Variants in BCAR3 observed in about 807,000 individuals in gnomAD.
BCAR3 encodes breast cancer anti-estrogen resistance protein 3.
BCAR3 carries 37 observed loss-of-function variants against 80.1 expected under a neutral mutation model. The observed-to-expected ratio is 0.46, with a 90% CI of 0.36 to 0.61. The LOEUF is 0.61. Among genes scored for constraint, BCAR3 ranks in the 20% least tolerant of loss-of-function variants. The pLI, the probability that BCAR3 is intolerant of heterozygous loss-of-function variation, is 0.00. For missense variants in BCAR3, 978 were observed against 1,068.2 expected, an observed-to-expected ratio of 0.92 and a Z score of 1.18; for synonymous variants, 389 against 418.9, an observed-to-expected ratio of 0.93 and a Z score of 0.87.
At chr1:93,829,375 T>A (rs1272455450) in intron 2 of BCAR3, among the ~76,000 whole-genome samples, 2 of 152,078 alleles carry the variant, frequency 1.3e-5, no homozygotes, top group African/African-American at 4.8e-5. Flanking sequence ...AGAGACCTGG[T>A]GACAAGGAAA....
intron 2 of BCAR3, among the ~76,000 whole-genome samples, chr1:93,741,393 A>G (rs1338361837): frequency 2.0e-5 from 3 of 152,120 alleles, no homozygotes; most frequent in African/African-American, 7.2e-5. Flanking sequence ...GTTAACTCTG[A>G]CCATGGGGAA....
intron 2 of BCAR3, among the ~76,000 whole-genome samples, chr1:93,654,076 T>A (rs1647249323): frequency 6.6e-6 from 1 of 152,126 alleles, no homozygotes; most frequent in South Asian, 2.1e-4. Flanking sequence ...ATGAGCCTGG[T>A]TGGCCTGACC....
intron 1 of BCAR3, among the ~76,000 whole-genome samples, chr1:93,678,205 C>T (rs1024449321): frequency 1.6e-4 from 24 of 152,126 alleles, no homozygotes; most frequent in African/African-American, 5.8e-4. Context: ...AATGTGAAGC[C>T]AGGATTGAGA....
At chr1:93,818,109 T>G (rs1328119486) in intron 2 of BCAR3, among the ~76,000 whole-genome samples, 1 of 152,238 alleles carries the variant, frequency 6.6e-6, no homozygotes, top group African/African-American at 2.4e-5. Flanking sequence ...TATGTTATTT[T>G]TCATGTGCTA....
At chr1:93,668,293 T>G (rs1308396250) in intron 2 of BCAR3, among the ~76,000 whole-genome samples, 2 of 152,148 alleles carry the variant, frequency 1.3e-5, no homozygotes, top group Non-Finnish European at 2.9e-5. Flanking sequence ...ATCCTGGCAT[T>G]TAGGTTCAAA....
At chr1:93,639,625 C>T (rs902848145) in intron 3 of BCAR3, among the ~76,000 whole-genome samples, 6 of 151,954 alleles carry the variant, frequency 3.9e-5, no homozygotes, top group South Asian at 2.1e-4. Flanking sequence ...TACAGATGCC[C>T]GCCACCACAC....
intron 2 of BCAR3, among the ~76,000 whole-genome samples, chr1:93,776,681 G>T (rs1247964709): frequency 2.6e-5 from 4 of 152,168 alleles, no homozygotes; most frequent in Admixed American, 1.3e-4. Context: ...TCTACTGCCT[G>T]TGGTATTTTT....
chr1:93,811,688 C>T (rs1002123479), intron 2 of BCAR3, among the ~76,000 whole-genome samples: 5 of 152,182 alleles, frequency 3.3e-5, no homozygotes, highest in African/African-American at 1.2e-4. Context: ...GAGCTTCTTC[C>T]ACAGGTAATC....
chr1:93,724,103 A>C (rs1650499197), intron 2 of BCAR3, among the ~76,000 whole-genome samples: 1 of 152,180 alleles, frequency 6.6e-6, no homozygotes, highest in South Asian at 2.1e-4. Context: ...AGGGCTGAGC[A>C]CTAATCCCAC....
At position 93,771,385 on chromosome 1, in the gene BCAR3, T is replaced by C. The variant is rs532342768; in HGVS notation, c.-62-65243A>G. Among the ~76,000 whole-genome samples the C allele has an allele frequency of 2.1e-3, 315 of 152,250 alleles. 1 individual carries two copies. Among genetic ancestry groups the C allele is most frequent in the African/African-American group, 7.3e-3 (303 of 41,550 alleles). ...ACATAGGGCAACTTGGCACATGAAG[T>C]CATCAAGGACCTGGAAAAGCATCTG... On this transcript the variant is annotated intron_variant, in intron 2 of 13. Coordinates refer to the BCAR3 transcript ENST00000370244.
At chr1:93,811,004 G>A (rs866229778) in intron 2 of BCAR3, among the ~76,000 whole-genome samples, 4 of 152,170 alleles carry the variant, frequency 2.6e-5, no homozygotes, top group Non-Finnish European at 5.9e-5. Context: ...TAATTAGGGT[G>A]TCTCAGGCTC....
rs934233379 is a variant in BCAR3, at chr1:93,736,378, G to A, written c.-62-30236C>T. On this transcript the variant is annotated intron_variant, in intron 2 of 13. Coordinates refer to the BCAR3 transcript ENST00000370244. ...AATTTTTTGTATTTTTAGTAGAAAC[G>A]GGGTTTCATCATGTTAGAGGCTGGT... 4.6e-5 allele frequency among the ~76,000 whole-genome samples: 7 copies of A among 152,266 alleles called. No individual in the cohort carries two copies. In the East Asian group the frequency reaches 9.6e-4, roughly 21 times the overall value.
At position 93,592,121 on chromosome 1, in the gene BCAR3, A is replaced by G; in HGVS notation, c.486+144T>C. On this transcript the variant is annotated intron_variant, in intron 4 of 11. Coordinates refer to ENST00000260502, the MANE Select transcript of BCAR3 (RefSeq NM_003567.4). The surrounding 1 kb of genome is among the most constrained non-coding windows in gnomAD (Gnocchi z 4.8). Reference sequence around the variant, plus strand: ...CCAAGGTCTTCTTAGAGAAGGGTCTAAATGAAGTCATTTTTAGAGTATTTG... The same window carrying G: ...CCAAGGTCTTCTTAGAGAAGGGTCTGAATGAAGTCATTTTTAGAGTATTTG... 8.3e-7 allele frequency: 1 copy of G among 1,211,860 alleles called. No individual in the cohort carries two copies. Among genetic ancestry groups the G allele is most frequent in the Non-Finnish European group, 1.1e-6 (1 of 884,260 alleles). The allele number at this position is 1,211,860 out of a possible 1,614,324, so 75.1% of individuals were successfully genotyped here.
rs1318041271 is a variant in BCAR3, at chr1:93,723,024, AAGC to A, written c.-62-16885_-62-16883del. 6.6e-5 allele frequency among the ~76,000 whole-genome samples: 10 copies of A among 152,304 alleles called. No homozygotes were observed. The South Asian group carries it at 2.1e-3, about 32-fold the overall frequency. ...TGATTAGAGGCTTGGGCAGACCTCT[AAGC>A]TCTCAGGCAAGACCTCAAAATGCCT... On this transcript the variant is annotated intron_variant, in intron 2 of 13. Coordinates refer to the BCAR3 transcript ENST00000370244.
chr1:93,749,154 G>A (rs1651457417), intron 2 of BCAR3, among the ~76,000 whole-genome samples: 1 of 151,938 alleles, frequency 6.6e-6, no homozygotes, highest in South Asian at 2.1e-4. Context: ...AATGGTGTGT[G>A]TGTGTGTGTG....
rs183871488 is a variant in BCAR3, at chr1:93,590,526, T to G, written c.487-1107A>C. On this transcript the variant is annotated intron_variant, in intron 4 of 11. Transcript: ENST00000260502. The stretch of plus-strand genomic sequence containing the variant: ...ATTTATCACTGAAAATTAATACTCA[T>G]GCAAGTAGTAAACGAATGTAATGAC... The G allele has an allele frequency of 2.0e-5, 3 of 152,342 alleles. No homozygotes were observed. In the East Asian group the frequency reaches 5.8e-4, roughly 29 times the overall value. 9.4% of individuals were successfully genotyped at this position (152,342 alleles called of 1,614,324 possible). A position where few individuals can be genotyped will look rare whatever the true frequency, so the allele number is the denominator to read the frequency against.
chr1:93,593,973 T>C (rs1250171790), intron 3 of BCAR3, among the ~76,000 whole-genome samples: 2 of 152,194 alleles, frequency 1.3e-5, no homozygotes, highest in African/African-American at 4.8e-5. Flanking sequence ...ACGCTGGCTG[T>C]CCAGGGTGCC....
chr1:93,833,191 C>T (rs1007714782), intron 2 of BCAR3, among the ~76,000 whole-genome samples: 2 of 152,156 alleles, frequency 1.3e-5, no homozygotes, highest in African/African-American at 4.8e-5. Context: ...CCCACCTGAG[C>T]TGCAAAACCA....
At chr1:93,635,123 G>T (rs930429249) in intron 3 of BCAR3, among the ~76,000 whole-genome samples, 1 of 152,028 alleles carries the variant, frequency 6.6e-6, no homozygotes, top group African/African-American at 2.4e-5. Flanking sequence ...TACTCAGTGA[G>T]GTGGGAGGAT....
Sources: allele counts gnomAD v4.1 joint callset (sites outside exome capture counted in the v4.1 genomes callset), GRCh38; gene constraint gnomAD v4.1.1; non-coding constraint Gnocchi (gnomAD v3.1); transcripts MANE v1.5; gene names NCBI Gene and HGNC (gene_info 2026-07-23, HGNC 2026-07-21).